The following LGSN variants were observed in gnomAD, a reference collection of about 807,000 sequenced individuals.
LGSN encodes the protein lengsin.
In LGSN, 21 loss-of-function variants were observed where a neutral mutation model predicts 19.5. The ratio of observed to expected loss-of-function variants is 1.07; its 90% CI spans 0.76 to 1.55. The LOEUF is 1.55. Ranked by LOEUF, LGSN falls within the 40% of genes most tolerant of loss-of-function variation. The pLI is 0.00. For synonymous variants in LGSN, 257 were observed against 215.6 expected, an observed-to-expected ratio of 1.19 and a Z score of -1.68; for missense variants, 673 against 608.5, an observed-to-expected ratio of 1.11 and a Z score of -1.12.
At chr6:63,523,471 A>G in the LGSN span, among the ~76,000 whole-genome samples, 1 of 152,104 alleles carries the variant, frequency 6.6e-6, no homozygotes, top group Non-Finnish European at 1.5e-5. Flanking sequence ...TGATCGTGCC[A>G]CTGCACTCTA....
the LGSN span, among the ~76,000 whole-genome samples, chr6:63,474,953 A>C: frequency 6.6e-6 from 1 of 152,058 alleles, no homozygotes; most frequent in East Asian, 1.9e-4. Flanking sequence ...GATTTTGTGC[A>C]AAATGAGACA....
the LGSN span, among the ~76,000 whole-genome samples, chr6:63,489,250 C>T: frequency 3.3e-5 from 5 of 152,166 alleles, no homozygotes; most frequent in African/African-American, 1.2e-4. Flanking sequence ...ATACACAATG[C>T]TAAAGAGATA....
rs1767124261 is a variant in LGSN, at chr6:63,277,069, G to A, written c.*2952C>T. 1 of 152,094 alleles carries A rather than the reference G, an allele frequency of 6.6e-6. No individual in the cohort carries two copies. The highest frequency in any genetic ancestry group is 1.9e-4 in the East Asian group (1 of 5,182). 9.4% of individuals were successfully genotyped at this position (152,094 alleles called of 1,614,324 possible). ...TAATCTATGGCTGAATATTTTCTTT[G>A]ACTCACGACTGTACACTTAATACTG... On this transcript the variant is annotated 3_prime_UTR_variant, in exon 4 of 4. Coordinates refer to ENST00000370657, the MANE Select transcript of LGSN (RefSeq NM_016571.3).
chr6:63,462,414 C>A, the LGSN span, among the ~76,000 whole-genome samples: 2 of 152,098 alleles, frequency 1.3e-5, no homozygotes, highest in East Asian at 3.8e-4. Context: ...AGGTGGATCA[C>A]CTGAAGTCAG....
the LGSN span, among the ~76,000 whole-genome samples, chr6:63,562,372 T>C: frequency 2.0e-5 from 3 of 152,128 alleles, no homozygotes; most frequent in Admixed American, 2.0e-4. Flanking sequence ...GCTAATTTTG[T>C]ATTTTTAGTA....
At chr6:63,353,862 T>C in the LGSN span, among the ~76,000 whole-genome samples, 10 of 152,158 alleles carry the variant, frequency 6.6e-5, no homozygotes, top group Admixed American at 2.0e-4. Flanking sequence ...AACTGATTTT[T>C]TTTATAAAGT....
At chr6:63,363,669 A>T in the LGSN span, among the ~76,000 whole-genome samples, 1 of 152,316 alleles carries the variant, frequency 6.6e-6, no homozygotes, top group East Asian at 1.9e-4. Flanking sequence ...ATAAAGAAAC[A>T]AACAAAGCCT....
chr6:63,384,820 G>A, the LGSN span, among the ~76,000 whole-genome samples: 1 of 152,140 alleles, frequency 6.6e-6, no homozygotes, highest in African/African-American at 2.4e-5. Flanking sequence ...ACCCAGCTGA[G>A]ATAATGTCTA....
the LGSN span, among the ~76,000 whole-genome samples, chr6:63,495,318 T>A: frequency 6.6e-6 from 1 of 152,090 alleles, no homozygotes; most frequent in African/African-American, 2.4e-5. Flanking sequence ...TGAGAGAAGC[T>A]GAGCAACTTT....
At chr6:63,539,813 A>G in the LGSN span, among the ~76,000 whole-genome samples, 1 of 152,004 alleles carries the variant, frequency 6.6e-6, no homozygotes, top group East Asian at 1.9e-4. Flanking sequence ...AATCTTCAGA[A>G]AAAAACTCAA....
the LGSN span, among the ~76,000 whole-genome samples, chr6:63,537,027 A>G: frequency 6.6e-6 from 1 of 152,246 alleles, no homozygotes; most frequent in African/African-American, 2.4e-5. Context: ...AAGGTTAAAT[A>G]GTTTTAAAAT....
intron 1 of LGSN, among the ~76,000 whole-genome samples, chr6:63,297,832 A>T (rs184328604): frequency 1.3e-5 from 2 of 152,326 alleles, no homozygotes; most frequent in East Asian, 3.9e-4. Context: ...AAAAATTTCT[A>T]AGCAGACTAG....
chr6:63,503,553 A>C, the LGSN span, among the ~76,000 whole-genome samples: 2 of 152,236 alleles, frequency 1.3e-5, no homozygotes, highest in Non-Finnish European at 2.9e-5. Context: ...CCTGGTTTCA[A>C]CCATATATTC....
the LGSN span, among the ~76,000 whole-genome samples, chr6:63,453,708 C>T: frequency 3.4e-4 from 51 of 152,188 alleles, no homozygotes; most frequent in African/African-American, 1.2e-3. Context: ...GGCTGGAGTG[C>T]AGTGGCGGGA....
the LGSN span, among the ~76,000 whole-genome samples, chr6:63,421,996 C>T: frequency 6.6e-6 from 1 of 152,082 alleles, no homozygotes; most frequent in African/African-American, 2.4e-5. Context: ...ATGGTACAAA[C>T]CCAAAGAAAC....
the LGSN span, among the ~76,000 whole-genome samples, chr6:63,412,442 GCAAGAAAGAAAGAAAGAAAGAA>G: frequency 5.3e-4 from 66 of 124,452 alleles, no homozygotes; most frequent in African/African-American, 2.3e-3. Flanking sequence ...AAGAAAGAAA[GCAAGAAAGAAAGAAAGAAAGAA>G]AAAGAGAGAG....
chr6:63,375,282 C>T, the LGSN span, among the ~76,000 whole-genome samples: 2 of 151,956 alleles, frequency 1.3e-5, no homozygotes, highest in Admixed American at 6.6e-5. Context: ...TATTGGTGGT[C>T]CTCATAATCA....
the LGSN span, among the ~76,000 whole-genome samples, chr6:63,532,558 C>A: frequency 6.6e-6 from 1 of 151,876 alleles, no homozygotes. Context: ...AAATAAATGC[C>A]ATTAAATCCA....
chr6:63,462,676 C>T, the LGSN span, among the ~76,000 whole-genome samples: 1 of 152,172 alleles, frequency 6.6e-6, no homozygotes, highest in Admixed American at 6.6e-5. Flanking sequence ...TCAAACTTTT[C>T]ACTCACATGC....
Sources: allele counts gnomAD v4.1 joint callset (sites outside exome capture counted in the v4.1 genomes callset), GRCh38; gene constraint gnomAD v4.1.1; transcripts MANE v1.5; gene names NCBI Gene and HGNC (gene_info 2026-07-23, HGNC 2026-07-21).